Variants in RGS6 observed in about 807,000 individuals in gnomAD.
RGS6 encodes regulator of G-protein signaling 6.
A neutral mutation model predicts 78.5 loss-of-function variants in RGS6; 30 were observed. That is an observed-to-expected ratio of 0.38 (90% confidence interval 0.29 to 0.52). The LOEUF (loss-of-function observed/expected upper bound fraction) is 0.52. RGS6 is among the 20% of genes least tolerant of loss of function. The pLI is 0.85. For missense variants in RGS6, 495 were observed against 609.7 expected, an observed-to-expected ratio of 0.81 and a Z score of 1.98; for synonymous variants, 206 against 206.0, an observed-to-expected ratio of 1.00 and a Z score of 0.00.
At chr14:72,570,653 A>G (rs1037320757), downstream of RGS6, among the ~76,000 whole-genome samples, 1 of 152,220 alleles carries the variant, frequency 6.6e-6, no homozygotes, top group African/African-American at 2.4e-5. Context: ...GAAAAGTGAT[A>G]AAAGCTAACT....
At chr14:72,280,129 A>G (rs1260116413) in intron 2 of RGS6, among the ~76,000 whole-genome samples, 1 of 152,204 alleles carries the variant, frequency 6.6e-6, no homozygotes, top group African/African-American at 2.4e-5. Context: ...CCCCAGGCCA[A>G]ACTCTAAAGG....
chr14:71,918,080 C>G, the RGS6 span, among the ~76,000 whole-genome samples: 1 of 148,764 alleles, frequency 6.7e-6, no homozygotes, highest in East Asian at 2.0e-4. Context: ...ACTCGGGAGG[C>G]TGAGGCAGGA....
At chr14:71,902,050 A>G in the RGS6 span, among the ~76,000 whole-genome samples, 1 of 145,218 alleles carries the variant, frequency 6.9e-6, no homozygotes. Flanking sequence ...GTCAAGCCTG[A>G]GATTAAGAGT....
chr14:72,092,477 G>C (rs984626611), intron 2 of RGS6, among the ~76,000 whole-genome samples: 1 of 151,016 alleles, frequency 6.6e-6, no homozygotes, highest in Non-Finnish European at 1.5e-5. Flanking sequence ...CGCCTCCCGG[G>C]TTCAAGTGAT....
rs140555285 is a variant in RGS6, at chr14:72,390,838, T to G, written c.184+38644T>G. Among the ~76,000 whole-genome samples, 934 of 152,270 alleles carry G rather than the reference T, an allele frequency of 6.1e-3. 6 individuals are homozygous for G. Among genetic ancestry groups the G allele is most frequent in the Non-Finnish European group, 0.011 (776 of 68,004 alleles). ...GCAAGGACTCATGGCTAAATAGTGG[T>G]GAAATCAGAAGCTAAAGCCAGGTTT... is the stretch of plus-strand genomic sequence containing the variant. On this transcript the variant is annotated intron_variant, in intron 3 of 17. Transcript: ENST00000553525.
At chr14:72,025,681 T>C (rs1270104356) in intron 2 of RGS6, among the ~76,000 whole-genome samples, 2 of 152,204 alleles carry the variant, frequency 1.3e-5, no homozygotes, top group African/African-American at 2.4e-5. Context: ...AAATTAGTAA[T>C]ATACATGATT....
intron 2 of RGS6, among the ~76,000 whole-genome samples, chr14:71,981,521 G>A (rs1336233538): frequency 1.3e-5 from 2 of 151,696 alleles, no homozygotes; most frequent in African/African-American, 4.9e-5. Flanking sequence ...ACCCGGCCGT[G>A]TGAGGTGTCA....
chr14:72,155,874 G>A (rs2096763001), intron 2 of RGS6, among the ~76,000 whole-genome samples: 1 of 152,216 alleles, frequency 6.6e-6, no homozygotes, highest in African/African-American at 2.4e-5. Flanking sequence ...GTGCATATCT[G>A]TACTAGGCTG....
At chr14:72,075,837 A>G (rs1441890518) in intron 2 of RGS6, among the ~76,000 whole-genome samples, 1 of 152,186 alleles carries the variant, frequency 6.6e-6, no homozygotes, top group African/African-American at 2.4e-5. Context: ...AGTGTTGGAA[A>G]TGGCAGGCTG....
At chr14:72,550,673 A>G (rs76457396) in intron 17 of RGS6, 2 of 1,470,934 alleles carry the variant, frequency 1.4e-6, no homozygotes, top group Non-Finnish European at 9.0e-7. Flanking sequence ...GAGTCAATCA[A>G]TCACTAGCCT....
At chr14:72,281,649 A>G (rs1595244620) in intron 2 of RGS6, among the ~76,000 whole-genome samples, 1 of 152,294 alleles carries the variant, frequency 6.6e-6, no homozygotes, top group African/African-American at 2.4e-5. Context: ...GACTATTGAG[A>G]TATACCTGAG....
At chr14:72,584,338 A>G in the RGS6 span, among the ~76,000 whole-genome samples, 11 of 152,220 alleles carry the variant, frequency 7.2e-5, no homozygotes, top group East Asian at 1.3e-3. Context: ...TTACAGATTT[A>G]TATTTCAGTC....
At chr14:72,093,531 A>G (rs1436075559) in intron 2 of RGS6, among the ~76,000 whole-genome samples, 7 of 152,222 alleles carry the variant, frequency 4.6e-5, no homozygotes, top group African/African-American at 1.7e-4. Context: ...GCAGTGAGCC[A>G]CTGCCCCCAG....
the RGS6 span, among the ~76,000 whole-genome samples, chr14:71,884,600 T>C: frequency 6.6e-6 from 1 of 152,194 alleles, no homozygotes; most frequent in Non-Finnish European, 1.5e-5. Flanking sequence ...TTATAACTTG[T>C]ACCTCTTTTT....
Position 72,541,630 on chromosome 14 carries a change from T to C in RGS6, c.1422+1536T>C, listed in dbSNP as rs1189057448. ...GATGGCCTGAGAGAAGGTAGTGGGA[T>C]CCCATCTCTCTCTGTTTGTCTCTTT... On this transcript the variant is annotated intron_variant, in intron 17 of 17. Coordinates refer to ENST00000553525, the MANE Select transcript of RGS6 (RefSeq NM_001204424.2). 8.5e-6 allele frequency: 13 copies of C among 1,535,086 alleles called. No homozygotes were observed. The African/African-American group carries it at 1.4e-4, about 16-fold the overall frequency.
At chr14:71,945,304 G>C (rs1013548710) in intron 1 of RGS6, among the ~76,000 whole-genome samples, 10 of 151,972 alleles carry the variant, frequency 6.6e-5, no homozygotes, top group Non-Finnish European at 1.5e-4. Context: ...ATAAAAGCAG[G>C]GACTCTTTTA....
intron 2 of RGS6, among the ~76,000 whole-genome samples, chr14:72,251,361 CTA>C (rs528458880): frequency 5.3e-4 from 81 of 152,188 alleles, no homozygotes; most frequent in African/African-American, 1.9e-3. Flanking sequence ...GGGTTTAAGA[CTA>C]TTACAATTCT....
chr14:71,943,365 A>G (rs867380691), intron 1 of RGS6, among the ~76,000 whole-genome samples: 46 of 152,198 alleles, frequency 3.0e-4, no homozygotes, highest in Admixed American at 1.3e-4. Context: ...ACGTAAGAAG[A>G]TGGGACTGTC....
intron 1 of RGS6, among the ~76,000 whole-genome samples, chr14:71,933,920 G>A (rs1484727537): frequency 2.0e-5 from 3 of 152,146 alleles, no homozygotes; most frequent in Admixed American, 2.0e-4. Context: ...CTACAAGTTT[G>A]TGTGTGTATG....
Sources: allele counts gnomAD v4.1 joint callset (sites outside exome capture counted in the v4.1 genomes callset), GRCh38; gene constraint gnomAD v4.1.1; transcripts MANE v1.5; gene names NCBI Gene and HGNC (gene_info 2026-07-23, HGNC 2026-07-21).